SPATA17: variants seen among roughly 807,000 people sequenced by gnomAD.
The protein encoded by SPATA17 is spermatogenesis-associated protein 17.
A neutral mutation model predicts 62.2 loss-of-function variants in SPATA17; 53 were observed. That is an observed-to-expected ratio of 0.85 (90% CI 0.68 to 1.07). The LOEUF (loss-of-function observed/expected upper bound fraction) is 1.07. Among genes scored for constraint, SPATA17 ranks in the 50% least tolerant of loss-of-function variants. The pLI is 0.00. For missense variants in SPATA17, 466 were observed against 425.5 expected (o/e 1.10, Z -0.84); for synonymous variants, 146 against 146.8 (o/e 0.99, Z 0.04).
rs893799695 is a variant in SPATA17, at chr1:217,810,183, A to G, written c.1005+8333A>G. Among the ~76,000 whole-genome samples the G allele has an allele frequency of 1.5e-4, 23 of 152,196 alleles. 1 individual carries two copies. Among genetic ancestry groups the G allele is most frequent in the Admixed American group, 9.8e-4 (15 of 15,280 alleles). ...TGAGAATATGCATTTATTTAACCATAAAGTAAGCAACTTTATGGAAATATA... is the reference window on the plus strand; with the variant it reads ...TGAGAATATGCATTTATTTAACCATGAAGTAAGCAACTTTATGGAAATATA... On this transcript the variant is annotated intron_variant, in intron 9 of 10. Coordinates refer to ENST00000366933, the MANE Select transcript of SPATA17 (RefSeq NM_138796.4).
At chr1:217,863,994 C>A (rs1675950718) in intron 10 of SPATA17, among the ~76,000 whole-genome samples, 1 of 152,202 alleles carries the variant, frequency 6.6e-6, no homozygotes, top group Non-Finnish European at 1.5e-5. Flanking sequence ...TCTCTCCCCA[C>A]TGAGTGCTTC....
chr1:217,790,578 C>T (rs1045110781), intron 8 of SPATA17, among the ~76,000 whole-genome samples: 5 of 151,996 alleles, frequency 3.3e-5, no homozygotes, highest in African/African-American at 7.2e-5. Context: ...GTAGCTGGGA[C>T]TACAGGCGTC....
chr1:217,782,680 C>T (rs1276426887), intron 8 of SPATA17, among the ~76,000 whole-genome samples: 2 of 151,954 alleles, frequency 1.3e-5, no homozygotes, highest in Admixed American at 6.6e-5. Context: ...TTTTTCTTAA[C>T]GTGGACTAAA....
At chr1:217,644,498 A>C (rs1670136862) in intron 1 of SPATA17, among the ~76,000 whole-genome samples, 1 of 152,192 alleles carries the variant, frequency 6.6e-6, no homozygotes, top group African/African-American at 2.4e-5. Flanking sequence ...GTTATATGAT[A>C]ATGAAAAAGA....
At chr1:217,803,321 A>G (rs2102988561) in intron 9 of SPATA17, among the ~76,000 whole-genome samples, 1 of 152,304 alleles carries the variant, frequency 6.6e-6, no homozygotes, top group East Asian at 1.9e-4. Context: ...GGAAGACATA[A>G]AATTGTTTGC....
In SPATA17 at chr1:217,782,220, C is replaced by T; in HGVS notation, c.770C>T (p.Pro257Leu). The T allele has an allele frequency of 6.2e-7, 1 of 1,612,728 alleles. No homozygotes were observed. The highest frequency in any genetic ancestry group is 8.5e-7 in the Non-Finnish European group (1 of 1,179,250). The change falls in exon 8 of 11, where the codon CCT (proline) becomes CTT (leucine). Residue 257 changes from proline (P) to leucine (L), a missense_variant. By Grantham distance (98) the Pro-to-Leu change is moderately conservative. Transcript: ENST00000366933. The stretch of plus-strand genomic sequence containing the variant: ...GAAGTATTAGAACAACGCTACAGGC[C>T]TTTGGAGCCAACGTTGCGGGTGGCA... ...ITEVLEQRYR[P>L]LEPTLRVAEP... is the part of the protein sequence containing the mutation.
At chr1:217,735,931 A>G (rs1672501816) in intron 5 of SPATA17, among the ~76,000 whole-genome samples, 1 of 151,546 alleles carries the variant, frequency 6.6e-6, no homozygotes, top group South Asian at 2.1e-4. Context: ...ATGTTACATA[A>G]CATACATATT....
At chr1:217,733,864 C>A (rs1408506307) in intron 5 of SPATA17, among the ~76,000 whole-genome samples, 1 of 152,152 alleles carries the variant, frequency 6.6e-6, no homozygotes, top group Non-Finnish European at 1.5e-5. Context: ...TCAGGCGCAA[C>A]CTGAGTGCTT....
rs1411886321 is a variant in SPATA17, at chr1:217,758,626, T to C, written c.520-15708T>C. ...CCTGCATAGTTGAAATGATTCTTGT[T>C]TGGGATATAGCCCAGTGGGTATGGC... On this transcript the variant is annotated intron_variant, in intron 6 of 10. Transcript: ENST00000366933. 3.3e-5 allele frequency among the ~76,000 whole-genome samples: 5 copies of C among 152,188 alleles called. 1 individual carries two copies. Among genetic ancestry groups the C allele is most frequent in the Admixed American group, 2.6e-4 (4 of 15,270 alleles).
intron 6 of SPATA17, among the ~76,000 whole-genome samples, chr1:217,746,846 A>C (rs1403431736): frequency 6.6e-6 from 1 of 152,052 alleles, no homozygotes; most frequent in Non-Finnish European, 1.5e-5. Flanking sequence ...AGTTCAAGTC[A>C]TATTAAAACA....
chr1:217,763,431 T>C (rs1673219477), intron 6 of SPATA17, among the ~76,000 whole-genome samples: 1 of 151,276 alleles, frequency 6.6e-6, no homozygotes, highest in Admixed American at 6.6e-5. Context: ...GTTTGAGTCA[T>C]GGATATAACT....
intron 3 of SPATA17, among the ~76,000 whole-genome samples, chr1:217,659,160 C>T (rs974917691): frequency 6.7e-6 from 1 of 150,272 alleles, no homozygotes; most frequent in African/African-American, 2.5e-5. Context: ...AAAAGAAATT[C>T]AATTTAAAGG....
chr1:217,654,384 C>T (rs997117858), intron 3 of SPATA17, among the ~76,000 whole-genome samples: 7 of 151,844 alleles, frequency 4.6e-5, no homozygotes, highest in East Asian at 1.9e-4. Flanking sequence ...CTCTGCCTCC[C>T]GAAATGCAGG....
In SPATA17 at chr1:217,712,128, C is replaced by CTTTTTTTTT. The variant is rs551988828; in HGVS notation, c.395+28771_395+28772insTTTTTTTTT. Among the ~76,000 whole-genome samples, 47 of 134,132 alleles carry CTTTTTTTTT rather than the reference C, an allele frequency of 3.5e-4. 6 individuals are homozygous for CTTTTTTTTT. The highest frequency in any genetic ancestry group is 6.0e-4 in the African/African-American group (21 of 34,988). 88.0% of individuals were successfully genotyped at this position (134,132 alleles called of 152,430 possible). On this transcript the variant is annotated intron_variant, in intron 5 of 10. Transcript: ENST00000366933. Reference sequence around the variant, plus strand: ...GGACCCTTAAGTTCTACAATATGTTCTTTTGTTTTTTTTTTTTTACGGAGT... The same window carrying CTTTTTTTTT: ...GGACCCTTAAGTTCTACAATATGTTCTTTTTTTTTTTTTGTTTTTTTTTTTTTACGGAGT...
chr1:217,671,189 T>C (rs1296955163), intron 4 of SPATA17, among the ~76,000 whole-genome samples: 4 of 152,144 alleles, frequency 2.6e-5, no homozygotes, highest in Non-Finnish European at 4.4e-5. Flanking sequence ...TCCTACTGAC[T>C]AATTGGAACA....
intron 6 of SPATA17, among the ~76,000 whole-genome samples, chr1:217,744,037 A>G (rs1672688045): frequency 6.6e-6 from 1 of 152,218 alleles, no homozygotes; most frequent in Admixed American, 6.5e-5. Flanking sequence ...ACTGATAAAA[A>G]TAATCTGACA....
chr1:217,767,818 C>T (rs1358913954), intron 6 of SPATA17, among the ~76,000 whole-genome samples: 3 of 152,174 alleles, frequency 2.0e-5, no homozygotes, highest in Admixed American at 6.5e-5. Flanking sequence ...ATAATTACAA[C>T]ATTCCTGCCA....
intron 9 of SPATA17, among the ~76,000 whole-genome samples, chr1:217,856,810 T>A (rs1475679550): frequency 6.6e-6 from 1 of 152,212 alleles, no homozygotes; most frequent in Admixed American, 6.5e-5. Context: ...CCTCATGTCA[T>A]CACAGTTTTC....
chr1:217,779,266 T>A (rs972734965), intron 7 of SPATA17, among the ~76,000 whole-genome samples: 1 of 151,768 alleles, frequency 6.6e-6, no homozygotes, highest in Admixed American at 6.6e-5. Flanking sequence ...TATGTATATA[T>A]GTATACTTAC....
Sources: gnomAD v4.1 joint callset for allele counts (sites outside exome capture counted in the v4.1 genomes callset) on GRCh38, gnomAD v4.1.1 for gene constraint, MANE v1.5 for transcripts, NCBI Gene and HGNC (gene_info 2026-07-23, HGNC 2026-07-21) for gene names.